The following ANO2 variants were observed in gnomAD, a reference collection of about 807,000 sequenced individuals.
ANO2 encodes anoctamin-2.
A neutral mutation model predicts 124.2 loss-of-function variants in ANO2; 101 were observed. That is an observed-to-expected ratio of 0.81 (90% CI 0.69 to 0.96). The LOEUF is 0.96. ANO2 is among the 40% of genes least tolerant of loss of function. The probability of loss-of-function intolerance (pLI) is 0.00; values close to 1 mark genes in which losing one functional copy is unlikely to be tolerated. For synonymous variants in ANO2, 486 were observed against 482.5 expected, an observed-to-expected ratio of 1.01 and a Z score of -0.09; for missense variants, 1,293 against 1,274.5, an observed-to-expected ratio of 1.01 and a Z score of -0.22.
chr12:5,814,631 C>T (rs1299607645), intron 7 of ANO2, among the ~76,000 whole-genome samples: 2 of 152,178 alleles, frequency 1.3e-5, no homozygotes, highest in Admixed American at 1.3e-4. Context: ...GAAAGTAAGC[C>T]CCTTAAGGGC....
chr12:5,655,241 T>C (rs2136964675), intron 14 of ANO2, among the ~76,000 whole-genome samples: 1 of 152,376 alleles, frequency 6.6e-6, no homozygotes, highest in South Asian at 2.1e-4. Flanking sequence ...CTGTCTCATT[T>C]GGAGAGATGT....
chr12:5,813,253 C>T (rs1389217091), intron 7 of ANO2, among the ~76,000 whole-genome samples: 1 of 152,180 alleles, frequency 6.6e-6, no homozygotes, highest in African/African-American at 2.4e-5. Flanking sequence ...CCCCAGTGGT[C>T]AAATCCCCAG....
chr12:5,648,231 C>T (rs535799411), intron 14 of ANO2, among the ~76,000 whole-genome samples: 22 of 152,130 alleles, frequency 1.4e-4, no homozygotes, highest in Admixed American at 1.3e-3. Context: ...AAGCAGTGGA[C>T]AAATGACAGA....
At chr12:5,563,686 T>A in intron 24 of ANO2, 118 bp from the exon 25 acceptor site, 1 of 1,308,336 alleles carries the variant, frequency 7.6e-7, no homozygotes, top group Non-Finnish European at 1.1e-6. Context: ...AGCCCAGTGA[T>A]CGCAACCAGT....
chr12:5,799,214 G>T (rs1308754405), intron 10 of ANO2, among the ~76,000 whole-genome samples: 2 of 152,200 alleles, frequency 1.3e-5, no homozygotes, highest in African/African-American at 4.8e-5. Flanking sequence ...AAATGAGACA[G>T]CTCCATGCAC....
At chr12:5,876,850 AT>A (rs1238208583) in intron 3 of ANO2, among the ~76,000 whole-genome samples, 2 of 152,196 alleles carry the variant, frequency 1.3e-5, no homozygotes, top group African/African-American at 4.8e-5. Context: ...TAGGGGAGGG[AT>A]AGCATTAGGA....
chr12:5,587,557 T>TG (rs1160406189), intron 20 of ANO2, among the ~76,000 whole-genome samples: 1 of 152,216 alleles, frequency 6.6e-6, no homozygotes, highest in Non-Finnish European at 1.5e-5. Flanking sequence ...AGCCCCATTT[T>TG]GGGGTAGGGG....
At chr12:5,822,482 C>T (rs993379592) in intron 7 of ANO2, among the ~76,000 whole-genome samples, 22 of 152,184 alleles carry the variant, frequency 1.4e-4, no homozygotes, top group African/African-American at 5.1e-4. Context: ...GCCATGGTGG[C>T]AGGGATGGAG....
At position 5,577,997 on chromosome 12, in the gene ANO2, A is replaced by G; in HGVS notation, c.2397T>C (p.Phe799=). 1.9e-6 allele frequency: 3 copies of G among 1,613,844 alleles called. No homozygotes were observed. The highest frequency in any genetic ancestry group is 2.2e-5 in the South Asian group (2 of 91,062). ...ACTTGCCAATTCCAGAGAGAATGTCAAACCAGATTCCTACAAGACAGAAAA... is the reference window on the plus strand; with the variant it reads ...ACTTGCCAATTCCAGAGAGAATGTCGAACCAGATTCCTACAAGACAGAAAA... ...AVRTKDIGIW[F]DILSGIGKFS... The change falls in exon 22 of 25, where the codon TTT becomes TTC. Residue 799 remains phenylalanine, a synonymous_variant. Transcript: ENST00000682330.
intron 10 of ANO2, among the ~76,000 whole-genome samples, chr12:5,780,076 T>C (rs1036833384): frequency 6.6e-6 from 1 of 152,230 alleles, no homozygotes; most frequent in Non-Finnish European, 1.5e-5. Context: ...AGAAAAAGTC[T>C]TTGTTTTTAG....
chr12:5,680,684 GC>G (rs1485056058), intron 14 of ANO2, among the ~76,000 whole-genome samples: 1 of 152,188 alleles, frequency 6.6e-6, no homozygotes, highest in Admixed American at 6.5e-5. Flanking sequence ...ATGAGCACCT[GC>G]CAGAAATATG....
At chr12:5,869,584 C>T (rs1252048037) in intron 3 of ANO2, among the ~76,000 whole-genome samples, 1 of 152,204 alleles carries the variant, frequency 6.6e-6, no homozygotes, top group Non-Finnish European at 1.5e-5. Flanking sequence ...TCGGCCCTAT[C>T]CCGATGCCTC....
intron 15 of ANO2, among the ~76,000 whole-genome samples, chr12:5,639,399 A>G (rs1156687891): frequency 6.6e-6 from 1 of 152,176 alleles, no homozygotes; most frequent in Non-Finnish European, 1.5e-5. Flanking sequence ...CAGTGGAAAA[A>G]GGAAACAGAA....
intron 1 of ANO2, among the ~76,000 whole-genome samples, chr12:5,930,924 C>T (rs1012479748): frequency 2.6e-5 from 4 of 152,136 alleles, no homozygotes; most frequent in Non-Finnish European, 4.4e-5. Flanking sequence ...ATAGCCTTGG[C>T]TCAGAATTAG....
chr12:5,827,966 G>A (rs1037141686), intron 6 of ANO2, 146 bp from the exon 7 acceptor site: 5 of 799,662 alleles, frequency 6.3e-6, no homozygotes, highest in Admixed American at 5.4e-5. Context: ...CTGGCTCATG[G>A]CCCGCACATC....
intron 10 of ANO2, among the ~76,000 whole-genome samples, chr12:5,763,041 T>C (rs1387964127): frequency 1.3e-5 from 2 of 152,020 alleles, no homozygotes; most frequent in Non-Finnish European, 2.9e-5. Context: ...ATGAATGATA[T>C]AGTAACTTTT....
chr12:5,644,915 A>G (rs1946552833), intron 15 of ANO2, among the ~76,000 whole-genome samples: 1 of 152,224 alleles, frequency 6.6e-6, no homozygotes, highest in African/African-American at 2.4e-5. Flanking sequence ...GTGCTATAAA[A>G]TATCAGTTGT....
chr12:5,939,995 C>G (rs2362481), intron 1 of ANO2, among the ~76,000 whole-genome samples: 71,965 of 152,006 alleles, frequency 0.47, 17,722 homozygotes, highest in East Asian at 0.79. Flanking sequence ...AGTAGGCTCT[C>G]AGATCCAGTT....
chr12:5,699,568 A>T (rs1453718965), intron 14 of ANO2, among the ~76,000 whole-genome samples: 1 of 152,182 alleles, frequency 6.6e-6, no homozygotes, highest in African/African-American at 2.4e-5. Context: ...CATCATAATG[A>T]CAGGATCAAA....
Sources: gnomAD v4.1 joint callset for allele counts (sites outside exome capture counted in the v4.1 genomes callset) on GRCh38, gnomAD v4.1.1 for gene constraint, MANE v1.5 for transcripts, NCBI Gene and HGNC (gene_info 2026-07-23, HGNC 2026-07-21) for gene names.